Variants in LYPLAL1 observed in about 807,000 individuals in gnomAD.
The protein encoded by LYPLAL1 is lysophospholipase-like protein 1.
Under a neutral mutation model 19.7 loss-of-function variants are expected in LYPLAL1, and 23 were observed. The observed-to-expected ratio is 1.17, with a 90% CI of 0.84 to 1.65. The LOEUF is 1.65. Ranked by LOEUF, LYPLAL1 falls within the 40% of genes most tolerant of loss-of-function variation. LYPLAL1 has a pLI of 0.00. For missense variants in LYPLAL1, 355 were observed against 279.4 expected, an observed-to-expected ratio of 1.27 and a Z score of -1.93; for synonymous variants, 119 against 96.3, an observed-to-expected ratio of 1.24 and a Z score of -1.38.
chr1:219,399,693 G>A, the LYPLAL1 span, among the ~76,000 whole-genome samples: 2 of 152,114 alleles, frequency 1.3e-5, no homozygotes, highest in Non-Finnish European at 2.9e-5. Context: ...CCAGGCACCC[G>A]AGGCTGCTCT....
chr1:219,317,513 G>A, the LYPLAL1 span, among the ~76,000 whole-genome samples: 2 of 151,996 alleles, frequency 1.3e-5, no homozygotes, highest in African/African-American at 4.8e-5. Flanking sequence ...AAACAAAAAA[G>A]GGCTATATAT....
At chr1:219,386,351 C>A in the LYPLAL1 span, among the ~76,000 whole-genome samples, 224 of 152,272 alleles carry the variant, frequency 1.5e-3, no homozygotes, top group African/African-American at 4.8e-3. Flanking sequence ...AGAAAACTAG[C>A]TGTATGACTG....
the LYPLAL1 span, among the ~76,000 whole-genome samples, chr1:219,357,399 T>TA: frequency 3.0e-3 from 463 of 152,110 alleles, 2 homozygotes; most frequent in Non-Finnish European, 5.1e-3. Context: ...GAACATAATT[T>TA]AAAAAAACAA....
the LYPLAL1 span, among the ~76,000 whole-genome samples, chr1:219,399,850 A>G: frequency 6.6e-6 from 1 of 152,072 alleles, no homozygotes; most frequent in Non-Finnish European, 1.5e-5. Context: ...CTCCTATTGG[A>G]GCAAGTTAAG....
the LYPLAL1 span, among the ~76,000 whole-genome samples, chr1:219,376,710 G>T: frequency 3.9e-5 from 6 of 152,064 alleles, no homozygotes; most frequent in Non-Finnish European, 5.9e-5. Context: ...CACATAAAAA[G>T]GTGCTTAACA....
Position 219,212,441 on chromosome 1 carries a change from ACACT to A in LYPLAL1, c.*716_*719del, listed in dbSNP as rs1047385076. 1 of 152,058 alleles carries A rather than the reference ACACT, an allele frequency of 6.6e-6. No individual in the cohort carries two copies. Among genetic ancestry groups the A allele is most frequent in the African/African-American group, 2.4e-5 (1 of 41,444 alleles). The allele number at this position is 152,058 out of a possible 1,614,324, so 9.4% of individuals were successfully genotyped here. On this transcript the variant is annotated 3_prime_UTR_variant, in exon 5 of 5. Transcript: ENST00000366928. Reference sequence around the variant, plus strand: ...ATAGCCAAAAGCCAATACATAATAAACACTCAATAAAGATTAACCATAAGGAGAG... The same window carrying A: ...ATAGCCAAAAGCCAATACATAATAAACAATAAAGATTAACCATAAGGAGAG...
the LYPLAL1 span, among the ~76,000 whole-genome samples, chr1:219,326,451 G>T: frequency 1.3e-5 from 2 of 152,066 alleles, no homozygotes; most frequent in Non-Finnish European, 2.9e-5. Flanking sequence ...AAGATGGCTG[G>T]GACCCTGAAT....
At chr1:219,347,132 C>T in the LYPLAL1 span, among the ~76,000 whole-genome samples, 1 of 152,104 alleles carries the variant, frequency 6.6e-6, no homozygotes, top group Admixed American at 6.6e-5. Context: ...CTCTTATTAA[C>T]CATGATTTTT....
chr1:219,270,202 A>G, the LYPLAL1 span, among the ~76,000 whole-genome samples: 3 of 152,248 alleles, frequency 2.0e-5, no homozygotes, highest in Admixed American at 1.3e-4. Flanking sequence ...TTTGGTGTCA[A>G]TATCCGAGAT....
At chr1:219,321,132 T>G in the LYPLAL1 span, among the ~76,000 whole-genome samples, 5 of 152,192 alleles carry the variant, frequency 3.3e-5, no homozygotes, top group African/African-American at 4.8e-5. Context: ...TGATTGCCAC[T>G]CTAACTGGTG....
chr1:219,296,286 A>T, the LYPLAL1 span, among the ~76,000 whole-genome samples: 1 of 152,020 alleles, frequency 6.6e-6, no homozygotes, highest in Non-Finnish European at 1.5e-5. Flanking sequence ...TGGCTAGGGG[A>T]TATGTAGGTT....
At chr1:219,233,875 T>A in the LYPLAL1 span, among the ~76,000 whole-genome samples, 2 of 152,158 alleles carry the variant, frequency 1.3e-5, no homozygotes, top group African/African-American at 4.8e-5. Context: ...AAAGAAATGC[T>A]TTCCAAGGTA....
chr1:219,375,988 G>C, the LYPLAL1 span, among the ~76,000 whole-genome samples: 2 of 151,932 alleles, frequency 1.3e-5, no homozygotes, highest in African/African-American at 4.8e-5. Context: ...TGATTCACCC[G>C]CCTCGGCCTC....
the LYPLAL1 span, among the ~76,000 whole-genome samples, chr1:219,277,246 G>T: frequency 5.9e-4 from 89 of 152,098 alleles, no homozygotes; most frequent in Non-Finnish European, 1.0e-3. Context: ...CCCTTTCTGT[G>T]GTATTTCTAT....
At chr1:219,227,869 T>C in the LYPLAL1 span, among the ~76,000 whole-genome samples, 2 of 152,172 alleles carry the variant, frequency 1.3e-5, no homozygotes, top group Non-Finnish European at 2.9e-5. Context: ...TAATAGAAAA[T>C]ACTAACTCAA....
the LYPLAL1 span, among the ~76,000 whole-genome samples, chr1:219,344,206 A>G: frequency 6.6e-6 from 1 of 152,040 alleles, no homozygotes; most frequent in Non-Finnish European, 1.5e-5. Flanking sequence ...CTTCCCCTAC[A>G]CCATTTGCCT....
At chr1:219,243,820 G>A in the LYPLAL1 span, among the ~76,000 whole-genome samples, 1 of 151,136 alleles carries the variant, frequency 6.6e-6, no homozygotes, top group African/African-American at 2.4e-5. Context: ...TTGGGAGGCT[G>A]AGACAGGAGA....
chr1:219,262,537 T>C, the LYPLAL1 span, among the ~76,000 whole-genome samples: 3 of 152,226 alleles, frequency 2.0e-5, no homozygotes, highest in Non-Finnish European at 4.4e-5. Context: ...TCCCTTGATG[T>C]AGTGCTCTCC....
chr1:219,281,947 AT>A, the LYPLAL1 span, among the ~76,000 whole-genome samples: 5 of 152,184 alleles, frequency 3.3e-5, no homozygotes, highest in African/African-American at 4.8e-5. Context: ...TTCCAGCAGT[AT>A]TTTAGCCACT....
Sources: allele counts gnomAD v4.1 joint callset (sites outside exome capture counted in the v4.1 genomes callset), GRCh38; gene constraint gnomAD v4.1.1; transcripts MANE v1.5; gene names NCBI Gene and HGNC (gene_info 2026-07-23, HGNC 2026-07-21).